USP46: variants seen among roughly 807,000 people sequenced by gnomAD.
The protein encoded by USP46 is ubiquitin carboxyl-terminal hydrolase 46.
In USP46, 12 loss-of-function variants were observed where a neutral mutation model predicts 44.4. The ratio of observed to expected loss-of-function variants is 0.27; its 90% CI spans 0.17 to 0.44. The LOEUF (loss-of-function observed/expected upper bound fraction) is 0.44. Ranked by LOEUF, USP46 falls within the 20% of genes least tolerant of loss-of-function variation. The probability of loss-of-function intolerance (pLI) is 1.00; values close to 1 mark genes in which losing one functional copy is unlikely to be tolerated. For synonymous variants in USP46, 155 were observed against 161.5 expected (o/e 0.96, Z 0.31); for missense variants, 248 against 444.8 (o/e 0.56, Z 3.98).
At chr4:52,631,631 A>C (rs1037387883) in intron 1 of USP46, among the ~76,000 whole-genome samples, 16 of 152,182 alleles carry the variant, frequency 1.1e-4, no homozygotes, top group African/African-American at 3.4e-4. Context: ...TAAACACACA[A>C]TGCCTGCTCT....
Position 52,647,756 on chromosome 4 carries a change from G to A in USP46, c.36+11359C>T, listed in dbSNP as rs192378251. On this transcript the variant is annotated intron_variant, in intron 1 of 8. Coordinates refer to ENST00000441222, the MANE Select transcript of USP46 (RefSeq NM_022832.4). ...TCTCCTTGACTGAAAACCATAGCTG[G>A]TTTATAACACACATGCTCGTCTTCT... Among the ~76,000 whole-genome samples the A allele has an allele frequency of 2.7e-3, 416 of 152,222 alleles. 2 individuals carry two copies. The highest frequency in any genetic ancestry group is 3.7e-3 in the Non-Finnish European group (249 of 68,016).
At chr4:52,656,277 G>A in intron 1 of USP46, 3 of 1,550,942 alleles carry the variant, frequency 1.9e-6, no homozygotes, top group East Asian at 2.4e-5. Flanking sequence ...CAGTGAGAAG[G>A]GACCTGTAAG....
At chr4:52,650,071 C>T (rs1432849387) in intron 1 of USP46, among the ~76,000 whole-genome samples, 1 of 152,210 alleles carries the variant, frequency 6.6e-6, no homozygotes, top group Non-Finnish European at 1.5e-5. Context: ...CAGATGGGCG[C>T]ATCCTAAAAG....
chr4:52,640,237 A>T (rs536774415), intron 1 of USP46, among the ~76,000 whole-genome samples: 1 of 152,338 alleles, frequency 6.6e-6, no homozygotes, highest in South Asian at 2.1e-4. Flanking sequence ...CGTGTTGCAT[A>T]GGACAATACT....
chr4:52,656,307 T>G, intron 1 of USP46: 1 of 1,551,370 alleles, frequency 6.4e-7, no homozygotes, highest in African/African-American at 1.4e-5. Context: ...TGAAAACAAT[T>G]CATTATTGAG....
chr4:52,598,936 C>T (rs138419656), intron 7 of USP46, among the ~76,000 whole-genome samples: 2,100 of 152,276 alleles, frequency 0.014, 21 homozygotes, highest in Non-Finnish European at 0.021. Flanking sequence ...GCAGCAAAAA[C>T]AGACACTCAA....
At chr4:52,655,881 G>T (rs1436823553) in intron 1 of USP46, among the ~76,000 whole-genome samples, 2 of 152,214 alleles carry the variant, frequency 1.3e-5, no homozygotes, top group Non-Finnish European at 2.9e-5. Context: ...CAGCAAGTGG[G>T]TGGGTAAGTG....
In USP46 at chr4:52,594,758, T is replaced by C. The variant is rs190662232; in HGVS notation, c.*2882A>G. ...AAATGCATAGGGATCATTTCTGACA[T>C]TTTTCCCTATTTTATCTTAAACCCA... is the stretch of plus-strand genomic sequence containing the variant. On this transcript the variant is annotated 3_prime_UTR_variant, in exon 9 of 9. Coordinates refer to ENST00000441222, the MANE Select transcript of USP46 (RefSeq NM_022832.4). 2 of 152,306 alleles carry C rather than the reference T, an allele frequency of 1.3e-5. No individual in the cohort carries two copies. Among genetic ancestry groups the C allele is most frequent in the East Asian group, 3.9e-4 (2 of 5,190 alleles). The allele number at this position is 152,306 out of a possible 1,614,324, so 9.4% of individuals were successfully genotyped here. A position where few individuals can be genotyped will look rare whatever the true frequency, so the allele number is the denominator to read the frequency against.
intron 1 of USP46, among the ~76,000 whole-genome samples, chr4:52,633,161 C>G (rs1282126320): frequency 6.6e-6 from 1 of 152,132 alleles, no homozygotes; most frequent in Non-Finnish European, 1.5e-5. Context: ...GCCACTTGTC[C>G]CTAAGCAAAC....
chr4:52,648,493 T>G (rs1009646655), intron 1 of USP46, among the ~76,000 whole-genome samples: 3 of 152,098 alleles, frequency 2.0e-5, no homozygotes, highest in Admixed American at 2.0e-4. Context: ...GAAAACTAAG[T>G]AAATAAGTTC....
intron 7 of USP46, among the ~76,000 whole-genome samples, chr4:52,599,650 C>G (rs1054498745): frequency 6.6e-6 from 1 of 152,120 alleles, no homozygotes; most frequent in African/African-American, 2.4e-5. Flanking sequence ...GCACCTGTTA[C>G]TATGTAGTTA....
chr4:52,608,490 G>A (rs1292791508), intron 5 of USP46, among the ~76,000 whole-genome samples: 1 of 152,224 alleles, frequency 6.6e-6, no homozygotes, highest in Admixed American at 6.5e-5. Context: ...AGCCTCCCAG[G>A]AGCTGAGGAG....
chr4:52,656,752 C>A (rs1718966381), intron 1 of USP46, among the ~76,000 whole-genome samples: 1 of 152,080 alleles, frequency 6.6e-6, no homozygotes, highest in African/African-American at 2.4e-5. Flanking sequence ...GTGTTAGAAC[C>A]AGGACCTGCC....
chr4:52,625,576 C>A (rs1175945451), intron 4 of USP46, among the ~76,000 whole-genome samples: 1 of 152,154 alleles, frequency 6.6e-6, no homozygotes, highest in Non-Finnish European at 1.5e-5. Context: ...GCCCCAAATA[C>A]CCAGTTAACT....
At chr4:52,623,128 T>C (rs1717439997) in intron 4 of USP46, among the ~76,000 whole-genome samples, 2 of 151,494 alleles carry the variant, frequency 1.3e-5, no homozygotes, top group Non-Finnish European at 2.9e-5. Context: ...AGGATGGGAG[T>C]AGCAGGGAGG....
At chr4:52,610,679 C>T in intron 4 of USP46, 62 bp from the exon 5 acceptor site, 1 of 1,485,656 alleles carries the variant, frequency 6.7e-7, no homozygotes, top group Non-Finnish European at 9.3e-7. Context: ...AAACTTTGAA[C>T]ATGTATAGGT....
intron 4 of USP46, among the ~76,000 whole-genome samples, chr4:52,621,909 T>C (rs551082539): frequency 6.6e-6 from 1 of 152,178 alleles, no homozygotes; most frequent in Non-Finnish European, 1.5e-5. Flanking sequence ...CCTACAATGG[T>C]ATACTACAAA....
rs1718267698 is a variant in USP46 at position 52,639,889 on chromosome 4, A to C, written c.37-8745T>G. On this transcript the variant is annotated intron_variant, in intron 1 of 8. Transcript: ENST00000441222. ...TTTTTTTTTTTTTTTTTTTTGGTAG[A>C]GTCAGGGTCTTGCCATGTTGTCCAG... is the stretch of plus-strand genomic sequence containing the variant. Among the ~76,000 whole-genome samples the C allele has an allele frequency of 3.3e-5, 4 of 119,998 alleles. No homozygotes were observed. In the South Asian group the frequency reaches 1.2e-3, roughly 36 times the overall value. 78.7% of individuals were successfully genotyped at this position (119,998 alleles called of 152,430 possible).
chr4:52,650,656 C>T (rs921422206), intron 1 of USP46, among the ~76,000 whole-genome samples: 1 of 151,942 alleles, frequency 6.6e-6, no homozygotes, highest in Non-Finnish European at 1.5e-5. Context: ...TTTTTTCATG[C>T]TTTTTTGTAT....
Sources: gnomAD v4.1 joint callset for allele counts (sites outside exome capture counted in the v4.1 genomes callset) on GRCh38, gnomAD v4.1.1 for gene constraint, MANE v1.5 for transcripts, NCBI Gene and HGNC (gene_info 2026-07-23, HGNC 2026-07-21) for gene names.